The following TGFB2 variants were observed in gnomAD, a reference collection of about 807,000 sequenced individuals.
The protein encoded by TGFB2 is transforming growth factor beta-2 proprotein.
In TGFB2, 13 loss-of-function variants were observed where a neutral mutation model predicts 42.7. That is an observed-to-expected ratio of 0.30 (90% CI 0.20 to 0.48). TGFB2 has a LOEUF of 0.48. Among genes scored for constraint, TGFB2 ranks in the 20% least tolerant of loss-of-function variants. The pLI is 0.99. For synonymous variants in TGFB2, 193 were observed against 193.6 expected (o/e 1.00, Z 0.03); for missense variants, 390 against 517.5 (o/e 0.75, Z 2.39).
At position 218,436,023 on chromosome 1, in the gene TGFB2, A is replaced by C. The variant is rs749266746; in HGVS notation, c.808A>C (p.Thr270Pro). ...TGGTGATCAGAAAACTATAAAGTCC[A>C]CTAGGAAAAAAAACAGTGGGAAGAC... Reference protein sequence around the residue: ...TSGDQKTIKSTRKKNSGKTPH... With the variant: ...TSGDQKTIKSPRKKNSGKTPH... Residue 270 changes from threonine (T) to proline (P), a missense_variant, in exon 5 of 7, where the codon ACT (threonine) becomes CCT (proline). By Grantham distance (38) the Thr-to-Pro change is conservative (BLOSUM62 -1). Transcript: ENST00000366930. 6.2e-7 allele frequency: 1 copy of C among 1,614,098 alleles called. No individual in the cohort carries two copies. Among genetic ancestry groups the C allele is most frequent in the Non-Finnish European group, 8.5e-7 (1 of 1,179,970 alleles).
chr1:218,406,377 A>G (rs901033416), intron 2 of TGFB2, among the ~76,000 whole-genome samples: 2 of 152,182 alleles, frequency 1.3e-5, no homozygotes, highest in Admixed American at 1.3e-4. Context: ...ACCCGAGTGT[A>G]GTCTACAGGG....
chr1:218,410,566 C>T (rs1659062380), intron 2 of TGFB2, among the ~76,000 whole-genome samples: 1 of 151,988 alleles, frequency 6.6e-6, no homozygotes, highest in African/African-American at 2.4e-5. Context: ...CCATGTATAC[C>T]AATAATGGAG....
intron 2 of TGFB2, among the ~76,000 whole-genome samples, chr1:218,431,165 A>G (rs1004905764): frequency 3.9e-5 from 6 of 152,210 alleles, no homozygotes; most frequent in African/African-American, 1.4e-4. Flanking sequence ...TGGCCTGTTC[A>G]TGAGTCTGGA....
At chr1:218,400,140 C>T (rs1054581571) in intron 1 of TGFB2, among the ~76,000 whole-genome samples, 2 of 151,846 alleles carry the variant, frequency 1.3e-5, no homozygotes, top group South Asian at 2.1e-4. Flanking sequence ...AATCCTATAA[C>T]TATATGAGGC....
At chr1:218,432,546 T>C (rs1375164455) in intron 2 of TGFB2, among the ~76,000 whole-genome samples, 2 of 152,188 alleles carry the variant, frequency 1.3e-5, no homozygotes, top group East Asian at 3.8e-4. Context: ...CCAAATTACC[T>C]GAAACAAATC....
intron 1 of TGFB2, among the ~76,000 whole-genome samples, chr1:218,378,302 G>A (rs370742343): frequency 2.0e-5 from 3 of 152,218 alleles, no homozygotes; most frequent in Non-Finnish European, 4.4e-5. Flanking sequence ...TCAGCCTCTC[G>A]AGTAGTTGGG....
At chr1:218,361,759 T>G (rs1055054110) in intron 1 of TGFB2, among the ~76,000 whole-genome samples, 8 of 152,230 alleles carry the variant, frequency 5.3e-5, no homozygotes, top group Non-Finnish European at 1.0e-4. Context: ...ACCGTTTATA[T>G]CCAGTGTAGC....
At chr1:218,415,286 C>T (rs1004450704) in intron 2 of TGFB2, among the ~76,000 whole-genome samples, 6 of 152,166 alleles carry the variant, frequency 3.9e-5, no homozygotes, top group Non-Finnish European at 7.3e-5. Context: ...ATGAATGCTT[C>T]CCCTAGCCCT....
intron 2 of TGFB2, among the ~76,000 whole-genome samples, chr1:218,421,011 C>T (rs1296514419): frequency 6.6e-6 from 1 of 152,136 alleles, no homozygotes; most frequent in Non-Finnish European, 1.5e-5. Flanking sequence ...AAGGTAAGTA[C>T]TGGGTGTGTT....
intron 2 of TGFB2, 144 bp from the exon 3 acceptor site, chr1:218,433,938 C>G (rs1393329844): frequency 2.9e-6 from 3 of 1,050,634 alleles, no homozygotes; most frequent in Non-Finnish European, 4.1e-6. Context: ...ATGCATGTGA[C>G]CATGCAATTG....
At position 218,361,765 on chromosome 1, in the gene TGFB2, G is replaced by A. The variant is rs576233754; in HGVS notation, c.346+14718G>A. Among the ~76,000 whole-genome samples, 19 of 152,342 alleles carry A rather than the reference G, an allele frequency of 1.2e-4. No homozygotes were observed. The South Asian group carries it at 2.9e-3, about 23-fold the overall frequency. On this transcript the variant is annotated intron_variant, in intron 1 of 6. Coordinates refer to ENST00000366930, the MANE Select transcript of TGFB2 (RefSeq NM_003238.6). ...TTGTGACAAACCGTTTATATCCAGT[G>A]TAGCTTCCTGTCTTTGCTGACTGGT...
chr1:218,379,779 AC>A (rs1391749305), intron 1 of TGFB2, among the ~76,000 whole-genome samples: 1 of 152,108 alleles, frequency 6.6e-6, no homozygotes, highest in African/African-American at 2.4e-5. Context: ...ATCTTATTTT[AC>A]CATTTTCTTT....
chr1:218,373,689 C>A (rs1657648320), intron 1 of TGFB2, among the ~76,000 whole-genome samples: 1 of 152,102 alleles, frequency 6.6e-6, no homozygotes, highest in African/African-American at 2.4e-5. Context: ...TTCATCACTC[C>A]TCCAAGATGA....
At chr1:218,360,404 G>T (rs1657170303) in intron 1 of TGFB2, among the ~76,000 whole-genome samples, 2 of 152,158 alleles carry the variant, frequency 1.3e-5, no homozygotes. Flanking sequence ...TATGACTTGT[G>T]TTACCCATAG....
At chr1:218,420,711 T>C (rs2102611865) in intron 2 of TGFB2, among the ~76,000 whole-genome samples, 1 of 152,310 alleles carries the variant, frequency 6.6e-6, no homozygotes, top group Non-Finnish European at 1.5e-5. Context: ...AAGGTCTGCG[T>C]ATGCCATACT....
At chr1:218,437,643 T>A in intron 6 of TGFB2, 147 bp downstream of exon 6, 1 of 864,014 alleles carries the variant, frequency 1.2e-6, no homozygotes, top group Non-Finnish European at 1.6e-6. Flanking sequence ...ATTAGGTTGG[T>A]GCAAAAGTAT....
rs576467914 is a variant in TGFB2, at chr1:218,442,052, A to C, written c.*690A>C. The C allele has an allele frequency of 2.0e-5, 3 of 152,276 alleles. No individual in the cohort carries two copies. Among genetic ancestry groups the C allele is most frequent in the Admixed American group, 2.0e-4 (3 of 15,292 alleles). The allele number at this position is 152,276 out of a possible 1,614,324, so 9.4% of individuals were successfully genotyped here. A position where few individuals can be genotyped will look rare whatever the true frequency, so the allele number is the denominator to read the frequency against. ...GCATTAAGATAAAGACCCTGAAAAC[A>C]CATGTTATGTATCAGCTGCCTAAGG... On this transcript the variant is annotated 3_prime_UTR_variant, in exon 7 of 7. Transcript: ENST00000366930.
chr1:218,386,377 A>G (rs906084522), intron 1 of TGFB2, among the ~76,000 whole-genome samples: 3 of 152,218 alleles, frequency 2.0e-5, no homozygotes, highest in African/African-American at 7.2e-5. Flanking sequence ...AGATTGCCAG[A>G]TGTCATTAAA....
intron 5 of TGFB2, 32 bp downstream of exon 5, chr1:218,436,179 G>C: frequency 1.3e-6 from 2 of 1,599,790 alleles, no homozygotes; most frequent in Non-Finnish European, 1.7e-6. Flanking sequence ...CCAAGTAATT[G>C]CATCTGTTAA....
Sources: gnomAD v4.1 joint callset for allele counts (sites outside exome capture counted in the v4.1 genomes callset) on GRCh38, gnomAD v4.1.1 for gene constraint, MANE v1.5 for transcripts, NCBI Gene and HGNC (gene_info 2026-07-23, HGNC 2026-07-21) for gene names.